Variants in KLHL2 observed in about 807,000 individuals in gnomAD.
KLHL2 encodes kelch like family member 2, also known as kelch-like protein 2.
A neutral mutation model predicts 75.8 loss-of-function variants in KLHL2; 15 were observed. The ratio of observed to expected loss-of-function variants is 0.20; its 90% CI spans 0.13 to 0.30. KLHL2 has a LOEUF of 0.30. Ranked by LOEUF, KLHL2 falls within the 10% of genes least tolerant of loss-of-function variation. The pLI, the probability that KLHL2 is intolerant of heterozygous loss-of-function variation, is 1.00. For synonymous variants in KLHL2, 214 were observed against 251.9 expected (o/e 0.85, Z 1.42); for missense variants, 381 against 741.0 (o/e 0.51, Z 5.64).
At chr4:165,300,843 C>T (rs1299293166) in intron 8 of KLHL2, among the ~76,000 whole-genome samples, 2 of 152,114 alleles carry the variant, frequency 1.3e-5, no homozygotes, top group Non-Finnish European at 2.9e-5. Flanking sequence ...TTACTCTGTC[C>T]TTTCCATTGA....
intron 11 of KLHL2, among the ~76,000 whole-genome samples, chr4:165,312,451 A>G (rs1048891878): frequency 2.0e-5 from 3 of 151,886 alleles, no homozygotes; most frequent in African/African-American, 7.3e-5. Context: ...GACTTGGGCA[A>G]ATTTGCAGGT....
intron 1 of KLHL2, among the ~76,000 whole-genome samples, chr4:165,216,090 T>TA (rs1392761876): frequency 1.3e-5 from 2 of 152,208 alleles, no homozygotes; most frequent in African/African-American, 4.8e-5. Flanking sequence ...TCAGAATTGT[T>TA]ACAGCAGGTT....
At chr4:165,248,604 A>C (rs1011347171) in intron 4 of KLHL2, among the ~76,000 whole-genome samples, 2 of 152,202 alleles carry the variant, frequency 1.3e-5, no homozygotes, top group African/African-American at 4.8e-5. Context: ...TCAGGTGTGG[A>C]TGGTGATCAA....
chr4:165,287,640 C>T (rs900926263), intron 5 of KLHL2, among the ~76,000 whole-genome samples: 8 of 152,234 alleles, frequency 5.3e-5, no homozygotes, highest in African/African-American at 1.2e-4. Flanking sequence ...AGTATCTTAA[C>T]ATCTTTGCCA....
chr4:165,296,620 G>T (rs1006469496), intron 6 of KLHL2, among the ~76,000 whole-genome samples: 8 of 152,148 alleles, frequency 5.3e-5, no homozygotes, highest in Non-Finnish European at 8.8e-5. Context: ...GACCAAAAAT[G>T]AGGTGAGGGC....
chr4:165,238,605 C>T (rs1739553093), intron 3 of KLHL2, among the ~76,000 whole-genome samples, 173 bp from the exon 4 acceptor site: 1 of 152,102 alleles, frequency 6.6e-6, no homozygotes, highest in Non-Finnish European at 1.5e-5. Flanking sequence ...ATGATTTGCT[C>T]AGGTGAGCTT....
chr4:165,246,052 A>G (rs1740234371), intron 4 of KLHL2, among the ~76,000 whole-genome samples: 1 of 152,148 alleles, frequency 6.6e-6, no homozygotes, highest in Admixed American at 6.6e-5. Context: ...CGAGACAGAT[A>G]ATATACCCAT....
intron 4 of KLHL2, among the ~76,000 whole-genome samples, chr4:165,248,563 T>C (rs551120014): frequency 6.6e-6 from 1 of 152,308 alleles, no homozygotes; most frequent in South Asian, 2.1e-4. Context: ...GGGAGCTGCA[T>C]CTCCAGGCCT....
intron 5 of KLHL2, among the ~76,000 whole-genome samples, chr4:165,272,863 T>C (rs1220328704): frequency 1.3e-5 from 2 of 152,200 alleles, no homozygotes; most frequent in Non-Finnish European, 1.5e-5. Flanking sequence ...TTTGTAATTA[T>C]GCCAAGAATT....
At chr4:165,272,054 G>A (rs192870100) in intron 5 of KLHL2, among the ~76,000 whole-genome samples, 1 of 152,334 alleles carries the variant, frequency 6.6e-6, no homozygotes, top group Admixed American at 6.5e-5. Context: ...ATGGTTCAAA[G>A]TGGTTAGTTG....
chr4:165,222,383 C>A (rs901282403), intron 2 of KLHL2, among the ~76,000 whole-genome samples: 6 of 152,002 alleles, frequency 3.9e-5, no homozygotes, highest in African/African-American at 1.5e-4. Context: ...CATCTGTTTG[C>A]CCCTTTTTGG....
At chr4:165,321,874 T>G (rs1358873525) in intron 14 of KLHL2, among the ~76,000 whole-genome samples, 158 bp from the exon 15 acceptor site, 1 of 152,110 alleles carries the variant, frequency 6.6e-6, no homozygotes, top group Non-Finnish European at 1.5e-5. Flanking sequence ...GTCATTTAGA[T>G]TCAAATGATA....
At chr4:165,269,344 T>C (rs1257188746) in intron 5 of KLHL2, among the ~76,000 whole-genome samples, 1 of 152,184 alleles carries the variant, frequency 6.6e-6, no homozygotes, top group Non-Finnish European at 1.5e-5. Flanking sequence ...TTGAATTTGA[T>C]CCTGTCATTA....
intron 4 of KLHL2, among the ~76,000 whole-genome samples, chr4:165,245,810 A>C (rs1740213627): frequency 6.6e-6 from 1 of 152,182 alleles, no homozygotes; most frequent in Non-Finnish European, 1.5e-5. Flanking sequence ...ACTGCTTTTT[A>C]TACATGGCTT....
chr4:165,317,827 A>C lies in KLHL2; in HGVS notation c.1611A>C (p.Gly537=). 6.2e-7 allele frequency: 1 copy of C among 1,606,092 alleles called. No individual in the cohort carries two copies. Residue 537 remains glycine (G), a splice_region_variant and synonymous_variant, in exon 14 of 15, where the codon GGA becomes GGC. Coordinates refer to ENST00000226725, the MANE Select transcript of KLHL2 (RefSeq NM_007246.4). ...ADMNMCRRNA[G]VCAVNGLLYV... is the part of the protein sequence containing the mutation. ...TTTTCTCTCTGTAATTTTTTAAAGG[A>C]GTTTGTGCAGTTAATGGTCTGTTAT...
At chr4:165,314,424 G>A (rs1746451785) in intron 13 of KLHL2, among the ~76,000 whole-genome samples, 1 of 152,110 alleles carries the variant, frequency 6.6e-6, no homozygotes, top group Non-Finnish European at 1.5e-5. Context: ...CTACTTTTTG[G>A]TGATAAATGT....
chr4:165,254,558 G>A (rs542069880), intron 4 of KLHL2, among the ~76,000 whole-genome samples: 10 of 151,004 alleles, frequency 6.6e-5, no homozygotes, highest in Non-Finnish European at 1.2e-4. Flanking sequence ...TAAGACAGTT[G>A]ATTAGTTTAC....
At chr4:165,216,692 T>G (rs886820988) in intron 1 of KLHL2, among the ~76,000 whole-genome samples, 1 of 152,310 alleles carries the variant, frequency 6.6e-6, no homozygotes, top group East Asian at 1.9e-4. Flanking sequence ...CATTTTCTGT[T>G]CTGCTTCTGA....
intron 11 of KLHL2, 146 bp from the exon 12 acceptor site, chr4:165,313,092 A>G (rs1051877359): frequency 2.8e-6 from 2 of 706,266 alleles, no homozygotes; most frequent in Non-Finnish European, 4.6e-6. Flanking sequence ...AGACCCTAAT[A>G]TATTTCATAA....
Sources: gnomAD v4.1 joint callset for allele counts (sites outside exome capture counted in the v4.1 genomes callset) on GRCh38, gnomAD v4.1.1 for gene constraint, MANE v1.5 for transcripts, NCBI Gene and HGNC (gene_info 2026-07-23, HGNC 2026-07-21) for gene names.